Variants in RTN3 observed in about 807,000 individuals in gnomAD.
RTN3 encodes reticulon 3.
A neutral mutation model predicts 77.8 loss-of-function variants in RTN3; 49 were observed. The ratio of observed to expected loss-of-function variants is 0.63; its 90% CI spans 0.50 to 0.80. RTN3 has a LOEUF of 0.80. RTN3 is among the 30% of genes least tolerant of loss of function. RTN3 has a pLI of 0.00. For synonymous variants in RTN3, 464 were observed against 446.9 expected, an observed-to-expected ratio of 1.04 and a Z score of -0.48; for missense variants, 1,236 against 1,211.9, an observed-to-expected ratio of 1.02 and a Z score of -0.29.
At chr11:63,752,960 C>T (rs1455975013) in intron 5 of RTN3, 109 bp from the exon 6 acceptor site, 4 of 1,059,404 alleles carry the variant, frequency 3.8e-6, no homozygotes, top group Admixed American at 1.9e-5. Flanking sequence ...GTCCATGTCA[C>T]ACATCACTAA....
intron 3 of RTN3, among the ~76,000 whole-genome samples, chr11:63,722,243 C>T (rs756597206): frequency 6.6e-6 from 1 of 152,084 alleles, no homozygotes; most frequent in African/African-American, 2.4e-5. Flanking sequence ...GATTATAGAT[C>T]TTTTATCAAA....
intron 7 of RTN3, 67 bp from the exon 8 acceptor site, chr11:63,756,045 G>C: frequency 9.4e-7 from 1 of 1,060,838 alleles, no homozygotes; most frequent in Non-Finnish European, 1.5e-6. Context: ...AGACAAAAGA[G>C]CCGTGCCTTC....
chr11:63,682,790 G>A (rs1941130539), intron 1 of RTN3, among the ~76,000 whole-genome samples: 1 of 151,974 alleles, frequency 6.6e-6, no homozygotes, highest in African/African-American at 2.4e-5. Context: ...AGAGCTGCCT[G>A]GCAAGCTCCC....
Position 63,720,895 on chromosome 11 carries a change from A to G in RTN3, c.2393A>G (p.Lys798Arg), listed in dbSNP as rs1173256409. 4 of 1,614,164 alleles carry G rather than the reference A, an allele frequency of 2.5e-6. No homozygotes were observed. Among genetic ancestry groups the G allele is most frequent in the African/African-American group, 2.7e-5 (2 of 75,062 alleles). ...RSYDILERNV[K>R]NGSDLGISQK... ...TATGACATCCTAGAACGTAATGTCA[A>G]GAATGGATCTGATCTTGGGATTTCC... The change falls in exon 3 of 9, where the codon AAG (lysine) becomes AGG (arginine). Residue 798 changes from lysine (K) to arginine (R), a missense_variant. Transcript: ENST00000377819.
chr11:63,757,386 T>G (rs1193748697), intron 8 of RTN3, among the ~76,000 whole-genome samples: 1 of 152,194 alleles, frequency 6.6e-6, no homozygotes, highest in African/African-American at 2.4e-5. Flanking sequence ...GGTCTCACTC[T>G]GTCACCCAGG....
At chr11:63,716,877 G>T (rs1168472021) in intron 2 of RTN3, among the ~76,000 whole-genome samples, 1 of 149,646 alleles carries the variant, frequency 6.7e-6, no homozygotes, top group Non-Finnish European at 1.5e-5. Context: ...ACTGAGGCAG[G>T]AGAATGGCGC....
chr11:63,703,223 G>A (rs550497951), intron 1 of RTN3, among the ~76,000 whole-genome samples: 7 of 152,298 alleles, frequency 4.6e-5, no homozygotes, highest in South Asian at 4.1e-4. Flanking sequence ...GGGATGATGT[G>A]TGTAGGTTAT....
rs2011734162 is a variant in RTN3 at position 63,720,861 on chromosome 11, C to T, written c.2359C>T (p.Gln787Ter). Residue 787 changes from glutamine to a stop codon, truncating the protein, a stop_gained, in exon 3 of 9, where the codon CAG becomes TAG. Coordinates refer to ENST00000377819, the MANE Select transcript of RTN3 (RefSeq NM_001265589.2). LOFTEE classifies it high-confidence loss of function. ...TFTFAPESWP[Q>*]RSYDILERNV... is the part of the protein sequence containing the mutation. ...CACATTTGCTCCAGAATCTTGGCCA[C>T]AGAGATCATATGACATCCTAGAACG... The T allele has an allele frequency of 6.2e-7, 1 of 1,613,934 alleles. No individual in the cohort carries two copies. The highest frequency in any genetic ancestry group is 1.3e-5 in the African/African-American group (1 of 74,916).
In RTN3 at chr11:63,758,484, T is replaced by G. The variant is rs2014502541; in HGVS notation, c.*283T>G. 9.2e-6 allele frequency: 7 copies of G among 762,954 alleles called. No individual in the cohort carries two copies. The highest frequency in any genetic ancestry group is 1.2e-5 in the Non-Finnish European group (6 of 496,142). 47.3% of individuals were successfully genotyped at this position (762,954 alleles called of 1,614,324 possible). ...GGTGGTAGAGCCTTTACCTGTAGCTTGAAAGGGGAAAGATTGGAGGTAAGA... is the reference window on the plus strand; with the variant it reads ...GGTGGTAGAGCCTTTACCTGTAGCTGGAAAGGGGAAAGATTGGAGGTAAGA... On this transcript the variant is annotated 3_prime_UTR_variant, in exon 9 of 9. Transcript: ENST00000377819.
At chr11:63,681,458 G>A (rs1034748599), upstream of RTN3, 25 of 569,472 alleles carry the variant, frequency 4.4e-5, no homozygotes, top group Non-Finnish European at 6.8e-5. Context: ...GCGCATGCGC[G>A]CTCGCGCTCC....
intron 3 of RTN3, among the ~76,000 whole-genome samples, chr11:63,738,649 AG>A (rs2013286826): frequency 6.6e-6 from 1 of 151,028 alleles, no homozygotes; most frequent in Non-Finnish European, 1.5e-5. Context: ...AAAAAAAAAA[AG>A]AAGGTAAAGC....
intron 3 of RTN3, among the ~76,000 whole-genome samples, chr11:63,725,688 G>A (rs1407695706): frequency 1.3e-5 from 2 of 152,104 alleles, no homozygotes; most frequent in Admixed American, 6.6e-5. Flanking sequence ...TCCTGGCCTC[G>A]TGATCCGCCC....
In RTN3 at chr11:63,719,444, G is replaced by A. The variant is rs2011595901; in HGVS notation, c.942G>A (p.Gln314=). 1 of 1,614,104 alleles carries A rather than the reference G, an allele frequency of 6.2e-7. No individual in the cohort carries two copies. Among genetic ancestry groups the A allele is most frequent in the Non-Finnish European group, 8.5e-7 (1 of 1,180,010 alleles). ...CAATGTCTGCATTGCTCAGTAGGCA[G>A]TTTTCACACACAAATGCAGCACTGG... ...RYPMSALLSR[Q]FSHTNAALEE... Residue 314 remains glutamine, a synonymous_variant, in exon 3 of 9, where the codon CAG becomes CAA. Transcript: ENST00000377819.
In RTN3 at chr11:63,750,031, G is replaced by A. The variant is rs1054201373; in HGVS notation, c.2571G>A (p.Gly857=). The change falls in exon 4 of 9, where the codon GGG becomes GGA. Residue 857 remains glycine, a synonymous_variant. Transcript: ENST00000377819. ...TCTGGAGAGATGTGAAGAAGACTGGGTTTGTCTTTGGCACCACGCTGATCA... is the reference window on the plus strand; with the variant it reads ...TCTGGAGAGATGTGAAGAAGACTGGATTTGTCTTTGGCACCACGCTGATCA... ...LIFWRDVKKT[G]FVFGTTLIML... 2 of 1,613,902 alleles carry A rather than the reference G, an allele frequency of 1.2e-6. No homozygotes were observed. The highest frequency in any genetic ancestry group is 2.2e-5 in the East Asian group (1 of 44,882).
intron 1 of RTN3, among the ~76,000 whole-genome samples, chr11:63,693,697 T>G (rs1941785243): frequency 6.6e-6 from 1 of 152,218 alleles, no homozygotes; most frequent in Admixed American, 6.5e-5. Flanking sequence ...CATAAAACTG[T>G]ATCTGTAATA....
At chr11:63,721,288 A>G (rs767088324) in intron 3 of RTN3, among the ~76,000 whole-genome samples, 7 of 152,012 alleles carry the variant, frequency 4.6e-5, no homozygotes, top group African/African-American at 1.5e-4. Context: ...TATTTTTTCT[A>G]TGCTCGCTGG....
At chr11:63,687,533 C>T (rs1033732119) in intron 1 of RTN3, among the ~76,000 whole-genome samples, 1 of 151,812 alleles carries the variant, frequency 6.6e-6, no homozygotes, top group African/African-American at 2.4e-5. Context: ...TCACTTGAAC[C>T]CAGGAGGTGG....
chr11:63,735,103 T>C (rs520241), intron 3 of RTN3, among the ~76,000 whole-genome samples: 4 of 152,102 alleles, frequency 2.6e-5, no homozygotes, highest in African/African-American at 7.2e-5. Flanking sequence ...CTCTGCTCAT[T>C]GTAACCTCCG....
intron 3 of RTN3, among the ~76,000 whole-genome samples, chr11:63,736,896 AC>A (rs1262190720): frequency 6.6e-6 from 1 of 152,026 alleles, no homozygotes; most frequent in Non-Finnish European, 1.5e-5. Context: ...GGTTCTGTCC[AC>A]AGTTAGGGGC....
Sources: allele counts gnomAD v4.1 joint callset (sites outside exome capture counted in the v4.1 genomes callset), GRCh38; gene constraint gnomAD v4.1.1; transcripts MANE v1.5; gene names NCBI Gene and HGNC (gene_info 2026-07-23, HGNC 2026-07-21).